Variants in PLPP1 observed in about 807,000 individuals in gnomAD.
The protein encoded by PLPP1 is phospholipid phosphatase 1, also known as lipid phosphate phosphohydrolase 1a.
A neutral mutation model predicts 31.2 loss-of-function variants in PLPP1; 24 were observed. The ratio of observed to expected loss-of-function variants is 0.77; its 90% CI spans 0.56 to 1.08. PLPP1 has a LOEUF of 1.08. PLPP1 is among the 50% of genes least tolerant of loss of function. The probability of loss-of-function intolerance (pLI) is 0.00; values close to 1 mark genes in which losing one functional copy is unlikely to be tolerated. For missense variants in PLPP1, 319 were observed against 342.7 expected (o/e 0.93, Z 0.55); for synonymous variants, 146 against 126.3 (o/e 1.16, Z -1.05).
At chr5:55,501,326 CAAACAAAT>C (rs1414607464) in intron 1 of PLPP1, among the ~76,000 whole-genome samples, 3 of 151,868 alleles carry the variant, frequency 2.0e-5, no homozygotes, top group Admixed American at 6.6e-5. Context: ...AAAAAACAAA[CAAACAAAT>C]AAACAAAAAA....
intron 4 of PLPP1, among the ~76,000 whole-genome samples, chr5:55,439,522 T>TTTA (rs1751572389): frequency 6.6e-6 from 1 of 152,166 alleles, no homozygotes. Flanking sequence ...CACCCTTAAA[T>TTTA]TTATCTAAAG....
intron 3 of PLPP1, among the ~76,000 whole-genome samples, chr5:55,443,130 G>A (rs953671764): frequency 1.2e-4 from 17 of 145,156 alleles, no homozygotes; most frequent in African/African-American, 4.1e-4. Flanking sequence ...GGAAAGTCAC[G>A]TGTGTATGTT....
chr5:55,521,033 G>A (rs1753653712), intron 1 of PLPP1, among the ~76,000 whole-genome samples: 1 of 150,668 alleles, frequency 6.6e-6, no homozygotes, highest in South Asian at 2.1e-4. Flanking sequence ...GCAACAGAGT[G>A]AGACCTCATC....
At chr5:55,443,810 C>T (rs1332669340) in intron 3 of PLPP1, among the ~76,000 whole-genome samples, 1 of 152,116 alleles carries the variant, frequency 6.6e-6, no homozygotes, top group Non-Finnish European at 1.5e-5. Context: ...GGATTAAAAA[C>T]AAAGGGGTAA....
intron 3 of PLPP1, among the ~76,000 whole-genome samples, chr5:55,451,802 C>G (rs746203064): frequency 5.9e-5 from 9 of 152,176 alleles, no homozygotes; most frequent in African/African-American, 1.2e-4. Flanking sequence ...ACCTCGTGAT[C>G]TGCCCACCTT....
intron 1 of PLPP1, among the ~76,000 whole-genome samples, chr5:55,478,215 T>A (rs1190349038): frequency 6.6e-6 from 1 of 152,124 alleles, no homozygotes; most frequent in Non-Finnish European, 1.5e-5. Flanking sequence ...GAAAAAAAGT[T>A]TGTGGGTATT....
chr5:55,444,741 T>TGTGTGTGTG (rs1554037408), intron 3 of PLPP1, among the ~76,000 whole-genome samples: 2 of 6,956 alleles, frequency 2.9e-4, no homozygotes, highest in African/African-American at 5.0e-4. Flanking sequence ...TGGGATTCTA[T>TGTGTGTGTG]TTTGTGTGTG....
At chr5:55,523,032 T>TA (rs963240765) in intron 1 of PLPP1, among the ~76,000 whole-genome samples, 1 of 152,202 alleles carries the variant, frequency 6.6e-6, no homozygotes, top group African/African-American at 2.4e-5. Flanking sequence ...AATGATTGTT[T>TA]TTATAGACAA....
At position 55,467,881 on chromosome 5, in the gene PLPP1, A is replaced by C; in HGVS notation, c.479T>G (p.Val160Gly). The change falls in exon 3 of 6, where the codon GTT (valine) becomes GGT (glycine). Residue 160 changes from valine (V) to glycine (G), a missense_variant. Coordinates refer to ENST00000307259, the MANE Select transcript of PLPP1 (RefSeq NM_003711.4). The part of the protein sequence containing the change: ...YYICRGNAER[V>G]KEGRLSFYSG... The stretch of plus-strand genomic sequence containing the variant: ...ATTTAACACTCACCTGCCTTCCTTA[A>C]CTCTTTCTGCATTCCCTCGACATAT... The C allele has an allele frequency of 6.2e-7, 1 of 1,611,740 alleles. No homozygotes were observed. The highest frequency in any genetic ancestry group is 8.5e-7 in the Non-Finnish European group (1 of 1,178,694).
In PLPP1 at chr5:55,495,630, A is replaced by C. The variant is rs928075570; in HGVS notation, c.59-20180T>G. Among the ~76,000 whole-genome samples the C allele has an allele frequency of 2.0e-5, 3 of 152,138 alleles. 1 individual carries two copies. The highest frequency in any genetic ancestry group is 7.2e-5 in the African/African-American group (3 of 41,434). Reference sequence around the variant, plus strand: ...TAATACAACAATGGTATCTTCATAAAGAAACTTAGTATTGAGCATTGTTCA... The same window carrying C: ...TAATACAACAATGGTATCTTCATAACGAAACTTAGTATTGAGCATTGTTCA... On this transcript the variant is annotated intron_variant, in intron 1 of 5. Transcript: ENST00000307259.
intron 1 of PLPP1, among the ~76,000 whole-genome samples, chr5:55,531,933 A>T (rs1265797264): frequency 6.6e-6 from 1 of 152,228 alleles, no homozygotes; most frequent in Non-Finnish European, 1.5e-5. Context: ...GCTTATAGTG[A>T]TAATATGCTG....
intron 3 of PLPP1, among the ~76,000 whole-genome samples, chr5:55,447,360 T>C (rs1458658541): frequency 6.6e-6 from 1 of 152,212 alleles, no homozygotes; most frequent in African/African-American, 2.4e-5. Context: ...TATGCCAAAG[T>C]TGGTTCTGCT....
rs115051090 is a variant in PLPP1 at position 55,513,070 on chromosome 5, G to A, written c.58+21502C>T. ...GCATCCTATATTCAGGTGAGAACAC[G>A]TGGTTAACTTATTTCTCTCTTTGAA... On this transcript the variant is annotated intron_variant, in intron 1 of 5. Transcript: ENST00000307259. 4.0e-3 allele frequency among the ~76,000 whole-genome samples: 602 copies of A among 152,244 alleles called. 4 individuals are homozygous for A. The highest frequency in any genetic ancestry group is 0.014 in the African/African-American group (570 of 41,538).
intron 1 of PLPP1, among the ~76,000 whole-genome samples, chr5:55,512,491 AG>A (rs1476914660): frequency 5.9e-5 from 1 of 16,882 alleles, no homozygotes. Flanking sequence ...AAAGAAAGAA[AG>A]AAAGAAAAGA....
rs369405054 is a variant in PLPP1 at position 55,467,927 on chromosome 5, C to T, written c.433G>A (p.Asp145Asn). The T allele has an allele frequency of 4.3e-6, 7 of 1,614,164 alleles. No individual in the cohort carries two copies. Among genetic ancestry groups the T allele is most frequent in the South Asian group, 2.2e-5 (2 of 91,074 alleles). ...DPDWSKINCS[D>N]GYIEYYICRG... ...CATATGTAGTATTCAATGTAACCATCGCTGCAGTTGATTTTTGACCAATCT... is the reference window on the plus strand; with the variant it reads ...CATATGTAGTATTCAATGTAACCATTGCTGCAGTTGATTTTTGACCAATCT... Residue 145 changes from aspartate (D) to asparagine (N), a missense_variant, in exon 3 of 6, where the codon GAT becomes AAT. Coordinates refer to ENST00000307259, the MANE Select transcript of PLPP1 (RefSeq NM_003711.4).
At chr5:55,439,150 T>G (rs10471946) in intron 4 of PLPP1, among the ~76,000 whole-genome samples, 132,487 of 152,016 alleles carry the variant, frequency 0.87, 57,967 homozygotes, top group South Asian at 0.92. Flanking sequence ...CTAAAATCTG[T>G]CCTGAAAACC....
intron 1 of PLPP1, among the ~76,000 whole-genome samples, chr5:55,504,129 G>T (rs1249136878): frequency 6.6e-6 from 1 of 151,760 alleles, no homozygotes; most frequent in Non-Finnish European, 1.5e-5. Context: ...CCAGCACTTT[G>T]GGAGGCTGAG....
intron 1 of PLPP1, among the ~76,000 whole-genome samples, chr5:55,516,261 G>A (rs965585258): frequency 6.6e-6 from 1 of 151,916 alleles, no homozygotes; most frequent in Non-Finnish European, 1.5e-5. Context: ...TGCCTCACTT[G>A]GACTGTTACA....
chr5:55,475,082 A>G (rs573676502), intron 2 of PLPP1, among the ~76,000 whole-genome samples: 1 of 152,306 alleles, frequency 6.6e-6, no homozygotes, highest in East Asian at 1.9e-4. Context: ...CTGGGACTAC[A>G]GGCATGTCAC....
Sources: gnomAD v4.1 joint callset for allele counts (sites outside exome capture counted in the v4.1 genomes callset) on GRCh38, gnomAD v4.1.1 for gene constraint, MANE v1.5 for transcripts, NCBI Gene and HGNC (gene_info 2026-07-23, HGNC 2026-07-21) for gene names.